PKNOX2: variants seen among roughly 807,000 people sequenced by gnomAD.
PKNOX2 encodes the protein PBX/knotted 1 homeobox 2.
In PKNOX2, 14 loss-of-function variants were observed where a neutral mutation model predicts 53.1. The ratio of observed to expected loss-of-function variants is 0.26; its 90% confidence interval spans 0.17 to 0.41. The LOEUF (loss-of-function observed/expected upper bound fraction) is 0.41, where lower values mean the gene tolerates loss of function less well. PKNOX2 is among the 10% of genes least tolerant of loss of function. The probability of loss-of-function intolerance (pLI) is 1.00; values close to 1 mark genes in which losing one functional copy is unlikely to be tolerated. For missense variants in PKNOX2, 496 were observed against 602.8 expected (o/e 0.82, Z 1.85); for synonymous variants, 257 against 242.8 (o/e 1.06, Z -0.54).
chr11:125,362,353 G>T (rs999237428), intron 4 of PKNOX2, among the ~76,000 whole-genome samples: 11 of 152,020 alleles, frequency 7.2e-5, no homozygotes, highest in Admixed American at 6.6e-4. Context: ...AAACATGAAG[G>T]CCCACATGGT....
intron 3 of PKNOX2, among the ~76,000 whole-genome samples, chr11:125,350,825 GC>G (rs1337502113): frequency 6.6e-6 from 1 of 152,144 alleles, no homozygotes; most frequent in African/African-American, 2.4e-5. Context: ...AGGCCCTCCT[GC>G]CCCTGTGCGC....
intron 2 of PKNOX2, among the ~76,000 whole-genome samples, chr11:125,318,149 C>T (rs944295369): frequency 6.6e-6 from 1 of 152,162 alleles, no homozygotes; most frequent in Non-Finnish European, 1.5e-5. Flanking sequence ...CTCTGTCACC[C>T]AGGCTGGAAT....
At chr11:125,209,474 CT>C (rs1274567502) in intron 1 of PKNOX2, among the ~76,000 whole-genome samples, 2 of 151,786 alleles carry the variant, frequency 1.3e-5, no homozygotes, top group Non-Finnish European at 2.9e-5. Flanking sequence ...GTGGGGTCAG[CT>C]TGGGAAGGAG....
At chr11:125,357,320 A>G (rs1284849124) in intron 4 of PKNOX2, among the ~76,000 whole-genome samples, 1 of 152,160 alleles carries the variant, frequency 6.6e-6, no homozygotes. Context: ...AACAACCTCC[A>G]GGTCCAACCG....
intron 4 of PKNOX2, among the ~76,000 whole-genome samples, chr11:125,363,505 C>T (rs1286110353): frequency 1.3e-5 from 2 of 152,196 alleles, no homozygotes; most frequent in Admixed American, 1.3e-4. Context: ...TCTGATCTCC[C>T]AGGCAGTTCT....
At chr11:125,194,397 C>T (rs1565466304) in intron 1 of PKNOX2, among the ~76,000 whole-genome samples, 2 of 152,130 alleles carry the variant, frequency 1.3e-5, no homozygotes, top group Non-Finnish European at 2.9e-5. Context: ...TCCTGAGAAC[C>T]TAGAAGATAT....
chr11:125,404,509 C>A (rs1954951382), intron 7 of PKNOX2, among the ~76,000 whole-genome samples: 1 of 152,192 alleles, frequency 6.6e-6, no homozygotes, highest in Non-Finnish European at 1.5e-5. Context: ...TAAGACAGGG[C>A]CCTGGCTCTG....
intron 1 of PKNOX2, among the ~76,000 whole-genome samples, chr11:125,196,520 C>A (rs987574532): frequency 1.3e-5 from 2 of 152,122 alleles, no homozygotes; most frequent in African/African-American, 4.8e-5. Context: ...TGTTGCTAAC[C>A]AGACTTTTAT....
rs1268396387 is a variant in PKNOX2, at chr11:125,371,342, T to A, written c.227+3357T>A. Among the ~76,000 whole-genome samples the A allele has an allele frequency of 2.0e-5, 3 of 152,048 alleles. No homozygotes were observed. The East Asian group carries it at 5.8e-4, about 30-fold the overall frequency. On this transcript the variant is annotated intron_variant, in intron 5 of 12. Coordinates refer to ENST00000298282, the MANE Select transcript of PKNOX2 (RefSeq NM_001382323.2). ...GACCACAGGTTTGGACCCAGCTCAG[T>A]TCTCTCCTCCCCCAGCCCCCACCTC... is the stretch of plus-strand genomic sequence containing the variant.
chr11:125,402,911 A>G (rs1256785771), intron 7 of PKNOX2, among the ~76,000 whole-genome samples: 1 of 152,224 alleles, frequency 6.6e-6, no homozygotes, highest in African/African-American at 2.4e-5. Flanking sequence ...AGAGGACAAC[A>G]GGAGGATTTT....
At chr11:125,340,014 A>G (rs1354527933) in intron 3 of PKNOX2, among the ~76,000 whole-genome samples, 1 of 152,188 alleles carries the variant, frequency 6.6e-6, no homozygotes, top group East Asian at 1.9e-4. Flanking sequence ...TGAGACCCCT[A>G]CTTCTTATCG....
intron 6 of PKNOX2, among the ~76,000 whole-genome samples, chr11:125,389,605 C>G (rs1169774673): frequency 6.6e-6 from 1 of 152,194 alleles, no homozygotes; most frequent in Non-Finnish European, 1.5e-5. Context: ...TTGGGCCCAC[C>G]AGCCTCTGAC....
intron 1 of PKNOX2, among the ~76,000 whole-genome samples, chr11:125,203,000 G>A (rs1938625710): frequency 2.0e-5 from 3 of 152,132 alleles, no homozygotes; most frequent in South Asian, 4.1e-4. Context: ...TTTTCCTTAT[G>A]TGCTCTTCAT....
chr11:125,341,930 G>C (rs1268347213), intron 3 of PKNOX2, among the ~76,000 whole-genome samples: 2 of 152,164 alleles, frequency 1.3e-5, no homozygotes, highest in Non-Finnish European at 2.9e-5. Context: ...TCCTTCCAAG[G>C]GGGTGGTGAG....
intron 6 of PKNOX2, among the ~76,000 whole-genome samples, chr11:125,389,421 C>T (rs1953886832): frequency 6.6e-6 from 1 of 152,210 alleles, no homozygotes; most frequent in South Asian, 2.1e-4. Flanking sequence ...CACTCTACCT[C>T]CCCATTTCCA....
intron 2 of PKNOX2, among the ~76,000 whole-genome samples, chr11:125,282,104 A>C (rs1327653991): frequency 6.6e-6 from 1 of 152,230 alleles, no homozygotes; most frequent in African/African-American, 2.4e-5. Flanking sequence ...GCCACTGCTC[A>C]GCTTGTCAGA....
At chr11:125,272,201 TG>T (rs1205072605) in intron 2 of PKNOX2, among the ~76,000 whole-genome samples, 1 of 152,148 alleles carries the variant, frequency 6.6e-6, no homozygotes, top group African/African-American at 2.4e-5. Context: ...TGAAGGGTCG[TG>T]GGGGTGTGAG....
intron 1 of PKNOX2, among the ~76,000 whole-genome samples, chr11:125,170,787 C>T (rs1955242440): frequency 6.7e-6 from 1 of 149,812 alleles, no homozygotes; most frequent in Non-Finnish European, 1.5e-5. Flanking sequence ...CAAACAGCTT[C>T]GTTCTTGTAT....
At chr11:125,375,304 G>A (rs1258258866) in intron 5 of PKNOX2, among the ~76,000 whole-genome samples, 2 of 152,196 alleles carry the variant, frequency 1.3e-5, no homozygotes, top group Admixed American at 6.5e-5. Flanking sequence ...GGATAAAGCA[G>A]AGATTCTCTC....
Sources: gnomAD v4.1 joint callset for allele counts (sites outside exome capture counted in the v4.1 genomes callset) on GRCh38, gnomAD v4.1.1 for gene constraint, MANE v1.5 for transcripts, NCBI Gene and HGNC (gene_info 2026-07-23, HGNC 2026-07-21) for gene names.